Variants in CERK observed in about 807,000 individuals in gnomAD.
CERK encodes ceramide kinase, also known as acylsphingosine kinase.
CERK carries 39 observed loss-of-function variants against 63.4 expected under a neutral mutation model. The observed-to-expected ratio is 0.61, with a 90% CI of 0.48 to 0.80. CERK has a LOEUF of 0.80. Ranked by LOEUF, CERK falls within the 30% of genes least tolerant of loss-of-function variation. The probability of loss-of-function intolerance (pLI) is 0.00; values close to 1 mark genes in which losing one functional copy is unlikely to be tolerated. For synonymous variants in CERK, 302 were observed against 280.0 expected (o/e 1.08, Z -0.78); for missense variants, 670 against 714.1 (o/e 0.94, Z 0.70).
In CERK at chr22:46,711,157, G is replaced by GA; in HGVS notation, c.506-9dup. ...GATTAGCATGTTCAGTAACTGTGGGGAAAAATTACATCACACAGTTTATAT... is the reference window on the plus strand; with the variant it reads ...GATTAGCATGTTCAGTAACTGTGGGGAAAAAATTACATCACACAGTTTATAT... On this transcript the variant is annotated splice_polypyrimidine_tract_variant and intron_variant, in intron 4 of 12. Transcript: ENST00000216264. The GA allele has an allele frequency of 6.2e-7, 1 of 1,606,280 alleles. No homozygotes were observed. The highest frequency in any genetic ancestry group is 8.5e-7 in the Non-Finnish European group (1 of 1,172,928).
In CERK at chr22:46,689,913, C is replaced by T. The variant is rs562982857; in HGVS notation, c.1541+79G>A. 226 of 1,122,200 alleles carry T rather than the reference C, an allele frequency of 2.0e-4. No homozygotes were observed. In the African/African-American group the frequency reaches 3.1e-3, roughly 16 times the overall value. 69.5% of individuals were successfully genotyped at this position (1,122,200 alleles called of 1,614,324 possible). On this transcript the variant is annotated intron_variant, in intron 12 of 12. Transcript: ENST00000216264. ...TTATAAAGCCCCAGGGAACCCCCCA[C>T]CCTGGGTGGGGCAGCTTGTGACAGA...
chr22:46,706,994 G>A lies in CERK; in HGVS notation c.715+849C>T, dbSNP rs116008400. Among the ~76,000 whole-genome samples the A allele has an allele frequency of 6.2e-3, 941 of 152,172 alleles. 9 individuals are homozygous for A. Among genetic ancestry groups the A allele is most frequent in the African/African-American group, 0.022 (904 of 41,504 alleles). On this transcript the variant is annotated intron_variant, in intron 6 of 12. Coordinates refer to ENST00000216264, the MANE Select transcript of CERK (RefSeq NM_022766.6). ...CCACAGAGAAGGTGGCTCAGGGCCT[G>A]TCCCTCGTGAGGGCTAGCCTTTCCC... is the stretch of plus-strand genomic sequence containing the variant.
At chr22:46,702,533 C>T (rs900461566) in intron 6 of CERK, among the ~76,000 whole-genome samples, 3 of 152,260 alleles carry the variant, frequency 2.0e-5, no homozygotes, top group Admixed American at 1.3e-4. Context: ...CCTCGTGATC[C>T]GCCCGCCTTG....
chr22:46,690,151 G>A lies in CERK; in HGVS notation c.1382C>T (p.Thr461Met), dbSNP rs148876291. ...GTCCTCATCCTCCATGTGCTTCGAC[G>A]TAAACTGGAATTTCTTGACGCGATA... ...EVYRVKKFQF[T>M]SKHMEDEDSD... is the part of the protein sequence containing the mutation. The change falls in exon 12 of 13, where the codon ACG (threonine) becomes ATG (methionine). Residue 461 changes from threonine to methionine, a missense_variant. Thr to Met is a moderately conservative substitution (Grantham distance 81). Coordinates refer to ENST00000216264, the MANE Select transcript of CERK (RefSeq NM_022766.6). The A allele has an allele frequency of 7.3e-4, 1,171 of 1,613,972 alleles. 6 individuals are homozygous for A. In the African/African-American group the frequency reaches 0.014, roughly 19 times the overall value.
In CERK at chr22:46,710,915, C is replaced by T. The variant is rs186096505; in HGVS notation, c.569+171G>A. ...AGCCAGAGAGGAGTGTGTGACTGCACTTTTCTGCCTTTTCTTTCTTGCCTT... is the reference window on the plus strand; with the variant it reads ...AGCCAGAGAGGAGTGTGTGACTGCATTTTTCTGCCTTTTCTTTCTTGCCTT... On this transcript the variant is annotated intron_variant, in intron 5 of 12. Coordinates refer to ENST00000216264, the MANE Select transcript of CERK (RefSeq NM_022766.6). 1.2e-3 allele frequency among the ~76,000 whole-genome samples: 178 copies of T among 152,314 alleles called. 2 individuals are homozygous for T. The highest frequency in any genetic ancestry group is 3.9e-3 in the Admixed American group (59 of 15,300).
chr22:46,733,700 G>A lies in CERK; in HGVS notation c.142+4307C>T, dbSNP rs1004422315. 5.9e-5 allele frequency among the ~76,000 whole-genome samples: 9 copies of A among 152,130 alleles called. No individual in the cohort carries two copies. The South Asian group carries it at 1.7e-3, about 28-fold the overall frequency. On this transcript the variant is annotated intron_variant, in intron 1 of 12. Transcript: ENST00000216264. ...TTCTTTCTGGATTCCATCTTGGTTA[G>A]GAGAGCCTTTTCCCATTCCAATATT... is the stretch of plus-strand genomic sequence containing the variant.
intron 1 of CERK, 90 bp from the exon 2 acceptor site, chr22:46,721,105 GCTTT>G: frequency 4.8e-6 from 4 of 832,616 alleles, no homozygotes; most frequent in Non-Finnish European, 8.3e-6. Context: ...AGAATATTCT[GCTTT>G]AATATTCTCA....
chr22:46,727,544 C>T (rs997502170), intron 1 of CERK, among the ~76,000 whole-genome samples: 3 of 151,918 alleles, frequency 2.0e-5, no homozygotes, highest in African/African-American at 4.8e-5. Flanking sequence ...GATCCATCCA[C>T]TCAGCCTCCC....
chr22:46,730,255 TA>T (rs67082892), intron 1 of CERK, among the ~76,000 whole-genome samples: 63,260 of 128,326 alleles, frequency 0.49, 16,585 homozygotes, highest in Non-Finnish European at 0.62. Flanking sequence ...CTGTCTCTAC[TA>T]AAAAAAAAAA....
chr22:46,728,012 G>A (rs955991949), intron 1 of CERK, among the ~76,000 whole-genome samples: 1 of 152,198 alleles, frequency 6.6e-6, no homozygotes, highest in African/African-American at 2.4e-5. Context: ...TGCTTTTCCT[G>A]TTAAGCCAGG....
chr22:46,699,022 G>C (rs73888619), intron 8 of CERK, among the ~76,000 whole-genome samples: 1 of 152,134 alleles, frequency 6.6e-6, no homozygotes, highest in African/African-American at 2.4e-5. Context: ...GTGGCCTGGC[G>C]TCTTGGGGTT....
chr22:46,737,300 A>AAC (rs10638550), intron 1 of CERK, among the ~76,000 whole-genome samples: 68,770 of 150,060 alleles, frequency 0.46, 18,707 homozygotes, highest in Non-Finnish European at 0.6. Flanking sequence ...TCAAAAAAAA[A>AAC]AAAAAACAAA....
At chr22:46,723,990 G>A (rs574767314) in intron 1 of CERK, among the ~76,000 whole-genome samples, 39 of 152,180 alleles carry the variant, frequency 2.6e-4, no homozygotes, top group Admixed American at 4.6e-4. Flanking sequence ...GAGCCACCGC[G>A]CCTGGCCAGA....
At chr22:46,709,823 AACTTCT>A (rs1226487934) in intron 5 of CERK, among the ~76,000 whole-genome samples, 3 of 152,218 alleles carry the variant, frequency 2.0e-5, no homozygotes, top group Non-Finnish European at 4.4e-5. Flanking sequence ...TGAATTTGAA[AACTTCT>A]ACTGGGAAGA....
Position 46,684,906 on chromosome 22 carries a change from A to G in CERK, c.*2228T>C, listed in dbSNP as rs554037458. ...GCAGTCCCGAGGTCTGAGATTCTGA[A>G]TGTCAGCAGGTGGCTGGAGAGTATC... On this transcript the variant is annotated 3_prime_UTR_variant, in exon 13 of 13. Coordinates refer to ENST00000216264, the MANE Select transcript of CERK (RefSeq NM_022766.6). 3.3e-5 allele frequency: 5 copies of G among 152,304 alleles called. No individual in the cohort carries two copies. The highest frequency in any genetic ancestry group is 1.2e-4 in the African/African-American group (5 of 41,568). The allele number at this position is 152,304 out of a possible 1,614,324, so 9.4% of individuals were successfully genotyped here.
rs553735922 is a variant in CERK, at chr22:46,707,972, C to T, written c.586G>A (p.Gly196Arg). ...DKYDGIVCVGGDGMFSEVLHG... is the reference protein window; with the variant it reads ...DKYDGIVCVGRDGMFSEVLHG... Reference sequence around the variant, plus strand: ...AGCACCTCGCTGAACATACCATCTCCGCCGACACAGACGATGCTGCAGGAG... The same window carrying T: ...AGCACCTCGCTGAACATACCATCTCTGCCGACACAGACGATGCTGCAGGAG... Residue 196 changes from glycine to arginine, a missense_variant, in exon 6 of 13, where the codon GGA becomes AGA. By Grantham distance (125) the Gly-to-Arg change is moderately radical. Transcript: ENST00000216264. 4 of 1,609,786 alleles carry T rather than the reference C, an allele frequency of 2.5e-6. No individual in the cohort carries two copies. The highest frequency in any genetic ancestry group is 1.7e-5 in the Admixed American group (1 of 59,734).
intron 1 of CERK, among the ~76,000 whole-genome samples, chr22:46,732,945 A>G (rs1178348676): frequency 6.6e-6 from 1 of 152,098 alleles, no homozygotes; most frequent in Non-Finnish European, 1.5e-5. Context: ...GCGGTGGCTC[A>G]CGCCTGTAAT....
chr22:46,698,312 C>T (rs1430928657), intron 8 of CERK, among the ~76,000 whole-genome samples: 4 of 152,342 alleles, frequency 2.6e-5, no homozygotes, highest in East Asian at 3.9e-4. Context: ...CCACTGCGGC[C>T]GAGCCGCAGG....
intron 8 of CERK, 45 bp downstream of exon 8, chr22:46,699,268 C>T (rs757412548): frequency 8.8e-6 from 14 of 1,598,808 alleles, no homozygotes; most frequent in South Asian, 5.6e-5. Flanking sequence ...TGAAGGCAGT[C>T]GGGGCACGAC....
Sources: allele counts gnomAD v4.1 joint callset (sites outside exome capture counted in the v4.1 genomes callset), GRCh38; gene constraint gnomAD v4.1.1; transcripts MANE v1.5; gene names NCBI Gene and HGNC (gene_info 2026-07-23, HGNC 2026-07-21).